Variants in PRDM16 observed in about 807,000 individuals in gnomAD.
PRDM16 encodes histone-lysine N-methyltransferase PRDM16.
Under a neutral mutation model 110.6 loss-of-function variants are expected in PRDM16, and 23 were observed. The ratio of observed to expected loss-of-function variants is 0.21; its 90% CI spans 0.15 to 0.29. The LOEUF is 0.29. Among genes scored for constraint, PRDM16 ranks in the 10% least tolerant of loss-of-function variants. The pLI, the probability that PRDM16 is intolerant of heterozygous loss-of-function variation, is 1.00. For missense variants in PRDM16, 1,615 were observed against 1,794.3 expected (o/e 0.90, Z 1.81); for synonymous variants, 799 against 781.8 (o/e 1.02, Z -0.37).
Position 3,418,619 on chromosome 1 carries a change from A to T in PRDM16, c.2862-48A>T, listed in dbSNP as rs772642488. 1.8e-5 allele frequency: 24 copies of T among 1,301,318 alleles called. No homozygotes were observed. The South Asian group carries it at 2.9e-4, about 15-fold the overall frequency. 80.6% of individuals were successfully genotyped at this position (1,301,318 alleles called of 1,614,324 possible). A position where few individuals can be genotyped will look rare whatever the true frequency, so the allele number is the denominator to read the frequency against. ...AACCATTTCTGGGAAATGGCCATGTAAGCCCACCCTAATCCTCCCTCACCC... is the reference window on the plus strand; with the variant it reads ...AACCATTTCTGGGAAATGGCCATGTTAGCCCACCCTAATCCTCCCTCACCC... On this transcript the variant is annotated intron_variant, in intron 11 of 16. Coordinates refer to ENST00000270722, the MANE Select transcript of PRDM16 (RefSeq NM_022114.4).
At chr1:3,398,481 C>A (rs866270101) in intron 5 of PRDM16, among the ~76,000 whole-genome samples, 13 of 152,286 alleles carry the variant, frequency 8.5e-5, no homozygotes, top group Admixed American at 2.0e-4. Flanking sequence ...AGATAATTAT[C>A]ATAAAAAATC....
intron 3 of PRDM16, among the ~76,000 whole-genome samples, chr1:3,362,339 A>C (rs891268733): frequency 6.8e-6 from 1 of 148,078 alleles, no homozygotes; most frequent in Non-Finnish European, 1.5e-5. Context: ...TGGGACACCC[A>C]GGCGTCCTTC....
chr1:3,363,921 C>G (rs1230011049), intron 3 of PRDM16, among the ~76,000 whole-genome samples: 1 of 152,202 alleles, frequency 6.6e-6, no homozygotes, highest in Non-Finnish European at 1.5e-5. Flanking sequence ...CCTGAGCCAG[C>G]CCGCTACGCA....
At chr1:3,248,075 G>C (rs765557429) in intron 3 of PRDM16, among the ~76,000 whole-genome samples, 7 of 152,226 alleles carry the variant, frequency 4.6e-5, no homozygotes, top group Non-Finnish European at 8.8e-5. Flanking sequence ...CGTGTTAAGG[G>C]CTCGCTGAAA....
intron 1 of PRDM16, among the ~76,000 whole-genome samples, chr1:3,089,663 T>G (rs1003650127): frequency 1.3e-5 from 2 of 152,270 alleles, no homozygotes; most frequent in African/African-American, 4.8e-5. Flanking sequence ...CAGCAGCCAC[T>G]GCCGAGGAAG....
chr1:3,389,172 G>A (rs1045535262), intron 4 of PRDM16, among the ~76,000 whole-genome samples: 1 of 152,194 alleles, frequency 6.6e-6, no homozygotes, highest in Non-Finnish European at 1.5e-5. Flanking sequence ...CAGGGGACAG[G>A]GGCTTGAGAA....
At chr1:3,337,275 C>A (rs7516137) in intron 3 of PRDM16, among the ~76,000 whole-genome samples, 1 of 152,062 alleles carries the variant, frequency 6.6e-6, no homozygotes, top group African/African-American at 2.4e-5. Context: ...CTGTGAATCC[C>A]ACTGTGAATT....
intron 1 of PRDM16, among the ~76,000 whole-genome samples, chr1:3,082,632 C>T (rs547725015): frequency 2.0e-5 from 3 of 152,324 alleles, no homozygotes; most frequent in South Asian, 4.1e-4. Flanking sequence ...AGGACAGAGC[C>T]GGGGTTGGGG....
intron 1 of PRDM16, among the ~76,000 whole-genome samples, chr1:3,115,338 AG>A (rs1204697331): frequency 6.6e-6 from 1 of 152,232 alleles, no homozygotes; most frequent in Non-Finnish European, 1.5e-5. Flanking sequence ...CCCGTCAGAA[AG>A]GGAGTGCAGG....
At chr1:3,156,756 T>C (rs1192932073) in intron 1 of PRDM16, among the ~76,000 whole-genome samples, 1 of 152,216 alleles carries the variant, frequency 6.6e-6, no homozygotes, top group East Asian at 1.9e-4. Context: ...GCTCAAGCAG[T>C]GGCCACAGCT....
chr1:3,312,855 TGTG>T (rs1293788323), intron 3 of PRDM16, among the ~76,000 whole-genome samples: 1 of 152,210 alleles, frequency 6.6e-6, no homozygotes, highest in Non-Finnish European at 1.5e-5. Context: ...GATCCTAACA[TGTG>T]GTGAGAAAGG....
intron 2 of PRDM16, among the ~76,000 whole-genome samples, chr1:3,204,269 G>A (rs1269959088): frequency 2.6e-5 from 4 of 152,278 alleles, no homozygotes; most frequent in Admixed American, 1.3e-4. Context: ...CAGATGAAAC[G>A]TCTGTGTGGG....
rs1045384510 is a variant in PRDM16, at chr1:3,175,494, A to G, written c.38-10631A>G. On this transcript the variant is annotated intron_variant, in intron 1 of 16. Coordinates refer to ENST00000270722, the MANE Select transcript of PRDM16 (RefSeq NM_022114.4). This position sits in a 1 kb window ranked among gnomAD's most constrained non-coding sequence, Gnocchi z 4.8. Reference sequence around the variant, plus strand: ...GGGGCAGGATGGCCCTTCACTGCTCATGGGGACTCATAGGCACCCAGTTGG... The same window carrying G: ...GGGGCAGGATGGCCCTTCACTGCTCGTGGGGACTCATAGGCACCCAGTTGG... 2.6e-5 allele frequency among the ~76,000 whole-genome samples: 4 copies of G among 152,046 alleles called. No homozygotes were observed. The East Asian group carries it at 7.7e-4, about 29-fold the overall frequency.
Position 3,157,235 on chromosome 1 carries a change from C to T in PRDM16, c.38-28890C>T, listed in dbSNP as rs1643866128. Among the ~76,000 whole-genome samples the T allele has an allele frequency of 6.6e-6, 1 of 152,164 alleles. No homozygotes were observed. The highest frequency in any genetic ancestry group is 2.4e-5 in the African/African-American group (1 of 41,446). ...GAGCTCAGGCCCTCAGGGAGCGTGG[C>T]CAGATCCGGCAGATGAAATCCAGGA... On this transcript the variant is annotated intron_variant, in intron 1 of 16. Coordinates refer to ENST00000270722, the MANE Select transcript of PRDM16 (RefSeq NM_022114.4). The surrounding 1 kb of genome is among the most constrained non-coding windows in gnomAD (Gnocchi z 4.8).
intron 16 of PRDM16, among the ~76,000 whole-genome samples, chr1:3,433,419 G>A (rs1389602359): frequency 5.9e-5 from 9 of 152,200 alleles, no homozygotes; most frequent in South Asian, 4.1e-4. Context: ...CCTGCTGGCC[G>A]GGGATGGCCT....
intron 3 of PRDM16, among the ~76,000 whole-genome samples, chr1:3,260,825 G>A (rs1003382219): frequency 6.9e-5 from 10 of 145,660 alleles, no homozygotes; most frequent in East Asian, 2.1e-4. Context: ...TGATGATGAC[G>A]ATGATGATGA....
At chr1:3,140,126 T>A (rs1295050871) in intron 1 of PRDM16, among the ~76,000 whole-genome samples, 2 of 152,236 alleles carry the variant, frequency 1.3e-5, no homozygotes, top group African/African-American at 2.4e-5. Flanking sequence ...GATCATTTCT[T>A]TCACTTTTAA....
rs1642369433 is a variant in PRDM16, at chr1:3,346,663, AAGG to A, written c.439-38485_439-38483del. Reference sequence around the variant, plus strand: ...CCCCTCACTCCTCCAAGCTGGCTGCAAGGAGGCACAGGCAGATGCATCTTCTCA... The same window carrying A: ...CCCCTCACTCCTCCAAGCTGGCTGCAAGGCACAGGCAGATGCATCTTCTCA... On this transcript the variant is annotated intron_variant, in intron 3 of 16. Coordinates refer to ENST00000270722, the MANE Select transcript of PRDM16 (RefSeq NM_022114.4). 2.0e-5 allele frequency among the ~76,000 whole-genome samples: 3 copies of A among 152,152 alleles called. No individual in the cohort carries two copies. The South Asian group carries it at 6.2e-4, about 32-fold the overall frequency.
At chr1:3,377,781 G>A (rs944255133) in intron 3 of PRDM16, among the ~76,000 whole-genome samples, 9 of 152,310 alleles carry the variant, frequency 5.9e-5, no homozygotes, top group East Asian at 3.9e-4. Context: ...GGGCTGGGCC[G>A]CTCCTTCCCT....
Sources: gnomAD v4.1 joint callset for allele counts (sites outside exome capture counted in the v4.1 genomes callset) on GRCh38, gnomAD v4.1.1 for gene constraint, Gnocchi (gnomAD v3.1) non-coding constraint, MANE v1.5 for transcripts, NCBI Gene and HGNC (gene_info 2026-07-23, HGNC 2026-07-21) for gene names.